The following PGAP1 variants were observed in gnomAD, a reference collection of about 807,000 sequenced individuals.
PGAP1 encodes the protein post-GPI attachment to proteins inositol deacylase 1.
PGAP1 carries 76 observed loss-of-function variants against 127.0 expected under a neutral mutation model. The observed-to-expected ratio is 0.60, with a 90% CI of 0.50 to 0.72. The LOEUF (loss-of-function observed/expected upper bound fraction) is 0.72. PGAP1 is among the 30% of genes least tolerant of loss of function. PGAP1 has a pLI of 0.00. For missense variants in PGAP1, 982 were observed against 1,071.3 expected (o/e 0.92, Z 1.16); for synonymous variants, 362 against 366.5 (o/e 0.99, Z 0.14).
rs1703369208 is a variant in PGAP1, at chr2:196,926,582, G to A, written c.35C>T (p.Ala12Val). ...FLHSVNLWNL[A>V]FYVFMVFLAT... ...CAGAAAGACCATGAAGACATAAAAC[G>A]CCAGGTTCCAGAGATTAACTGAGTG... The change falls in exon 1 of 27, where the codon GCG (alanine) becomes GTG (valine). Residue 12 changes from alanine to valine, a missense_variant. Transcript: ENST00000354764. 1 of 1,614,148 alleles carries A rather than the reference G, an allele frequency of 6.2e-7. No homozygotes were observed. Among genetic ancestry groups the A allele is most frequent in the Non-Finnish European group, 8.5e-7 (1 of 1,180,016 alleles).
At chr2:196,895,238 T>C (rs914848046) in intron 7 of PGAP1, among the ~76,000 whole-genome samples, 4 of 152,214 alleles carry the variant, frequency 2.6e-5, no homozygotes, top group East Asian at 1.9e-4. Context: ...ACTAGTACTA[T>C]AGTTCTTTTC....
intron 4 of PGAP1, among the ~76,000 whole-genome samples, chr2:196,903,884 A>T (rs934581953): frequency 2.0e-5 from 3 of 152,142 alleles, no homozygotes; most frequent in Non-Finnish European, 4.4e-5. Flanking sequence ...AATTTAATGC[A>T]TTTTTATCCT....
At chr2:196,890,653 G>C (rs1177121377) in intron 10 of PGAP1, among the ~76,000 whole-genome samples, 175 bp downstream of exon 10, 2 of 151,980 alleles carry the variant, frequency 1.3e-5, no homozygotes, top group African/African-American at 4.8e-5. Context: ...CATAGTATCT[G>C]TGATAAAAAA....
Position 196,836,558 on chromosome 2 carries a change from T to G in PGAP1, c.*4676A>C, listed in dbSNP as rs1700240519. On this transcript the variant is annotated 3_prime_UTR_variant, in exon 27 of 27. Transcript: ENST00000354764. ...TGACCTGACTTTTCTTTCCTATTATTCTTATTAAAAGTAAAGAATGGTAGT... is the reference window on the plus strand; with the variant it reads ...TGACCTGACTTTTCTTTCCTATTATGCTTATTAAAAGTAAAGAATGGTAGT... 1 of 152,170 alleles carries G rather than the reference T, an allele frequency of 6.6e-6. No individual in the cohort carries two copies. Among genetic ancestry groups the G allele is most frequent in the Admixed American group, 6.5e-5 (1 of 15,278 alleles). 9.4% of individuals were successfully genotyped at this position (152,170 alleles called of 1,614,324 possible). A position where few individuals can be genotyped will look rare whatever the true frequency, so the allele number is the denominator to read the frequency against.
At chr2:196,841,394 T>A in intron 26 of PGAP1, 22 bp from the exon 27 acceptor site, 3 of 1,595,286 alleles carry the variant, frequency 1.9e-6, no homozygotes, top group Non-Finnish European at 2.6e-6. Flanking sequence ...CAGAGAAATA[T>A]ACATTACTTA....
chr2:196,891,455 T>A (rs1702098581), intron 9 of PGAP1, among the ~76,000 whole-genome samples: 1 of 152,136 alleles, frequency 6.6e-6, no homozygotes, highest in South Asian at 2.1e-4. Context: ...TGAAATGGTT[T>A]GCACTGACCA....
chr2:196,900,969 A>AT (rs1702468909), intron 5 of PGAP1, among the ~76,000 whole-genome samples: 1 of 152,162 alleles, frequency 6.6e-6, no homozygotes, highest in Admixed American at 6.5e-5. Context: ...TATCAAATAG[A>AT]TTAGAAAAAA....
intron 3 of PGAP1, among the ~76,000 whole-genome samples, chr2:196,915,414 C>T (rs563699008): frequency 1.3e-5 from 2 of 152,294 alleles, no homozygotes; most frequent in South Asian, 4.1e-4. Context: ...TGTACAGTAG[C>T]ATACATGGAA....
chr2:196,873,016 G>T lies in PGAP1; in HGVS notation c.1563C>A (p.Thr521=). ...SKCSAVKEEI[T]SIYRLHIPWS... ...AAGGAATATGAAGTCTATAGATACT[G>T]GTTATTTCTTCTGTTAAAACATTTA... Residue 521 remains threonine (T), a synonymous_variant, in exon 17 of 27, where the codon ACC becomes ACA. Transcript: ENST00000354764. 1 of 917,258 alleles carries T rather than the reference G, an allele frequency of 1.1e-6. No individual in the cohort carries two copies. Among genetic ancestry groups the T allele is most frequent in the Non-Finnish European group, 1.7e-6 (1 of 596,006 alleles). The allele number at this position is 917,258 out of a possible 1,614,324, so 56.8% of individuals were successfully genotyped here.
chr2:196,847,076 T>G lies in PGAP1; in HGVS notation c.2077A>C (p.Thr693Pro). 1 of 1,613,762 alleles carries G rather than the reference T, an allele frequency of 6.2e-7. No homozygotes were observed. Among genetic ancestry groups the G allele is most frequent in the Non-Finnish European group, 8.5e-7 (1 of 1,179,808 alleles). Residue 693 changes from threonine (T) to proline (P), a missense_variant, in exon 22 of 27, where the codon ACT (threonine) becomes CCT (proline). Transcript: ENST00000354764. ...GACAGTAGGCCACTCCAGTAGGCAG[T>G]ACACGTTCCAAACAGAAAGAGAATC... ...SLILFLFGTC[T>P]AYWSGLLSSA...
At chr2:196,926,405 G>A in intron 1 of PGAP1, 65 bp downstream of exon 1, 1 of 1,605,438 alleles carries the variant, frequency 6.2e-7, no homozygotes, top group Non-Finnish European at 8.5e-7. Context: ...CGAACCCACA[G>A]AAGGAAAAAG....
chr2:196,858,151 C>T (rs1004063310), intron 20 of PGAP1, among the ~76,000 whole-genome samples: 2 of 152,016 alleles, frequency 1.3e-5, no homozygotes, highest in Admixed American at 1.3e-4. Flanking sequence ...CCTGTAATCC[C>T]AGCACTTTGG....
intron 19 of PGAP1, among the ~76,000 whole-genome samples, chr2:196,866,088 C>T (rs1261427473): frequency 2.6e-5 from 4 of 152,154 alleles, no homozygotes; most frequent in Admixed American, 2.6e-4. Flanking sequence ...CATCAAGCTA[C>T]CATTGTCTTT....
At chr2:196,925,814 C>T (rs1703341044) in intron 1 of PGAP1, among the ~76,000 whole-genome samples, 1 of 152,166 alleles carries the variant, frequency 6.6e-6, no homozygotes, top group African/African-American at 2.4e-5. Context: ...CGCACGGCCC[C>T]TTAACCTGCA....
rs34719820 is a variant in PGAP1, at chr2:196,843,114, T to TA, written c.2526-290dup. ...TGTATGTTTAAAACGGCATAAAGTTTAAAAAAAAACAAATTACTTAAAATA... is the reference window on the plus strand; with the variant it reads ...TGTATGTTTAAAACGGCATAAAGTTTAAAAAAAAAACAAATTACTTAAAATA... On this transcript the variant is annotated intron_variant, in intron 25 of 26. Transcript: ENST00000354764. Among the ~76,000 whole-genome samples the TA allele has an allele frequency of 1.1e-4, 17 of 151,070 alleles. 1 individual carries two copies. Among genetic ancestry groups the TA allele is most frequent in the South Asian group, 8.4e-4 (4 of 4,766 alleles).
intron 10 of PGAP1, among the ~76,000 whole-genome samples, chr2:196,889,737 T>C (rs1465614776): frequency 6.6e-6 from 1 of 151,360 alleles, no homozygotes; most frequent in Admixed American, 6.6e-5. Flanking sequence ...CAAGCGCCTG[T>C]AGTCCCAGCT....
At chr2:196,893,614 C>A (rs1408217624) in intron 7 of PGAP1, among the ~76,000 whole-genome samples, 2 of 152,076 alleles carry the variant, frequency 1.3e-5, no homozygotes, top group African/African-American at 4.8e-5. Flanking sequence ...TGTATAGAAC[C>A]AGAAGAGAAT....
rs1576064245 is a variant in PGAP1 at position 196,833,656 on chromosome 2, A to G, written c.*7578T>C. On this transcript the variant is annotated 3_prime_UTR_variant, in exon 27 of 27. Coordinates refer to ENST00000354764, the MANE Select transcript of PGAP1 (RefSeq NM_024989.4). Reference sequence around the variant, plus strand: ...TTTGTATGTGTTTTTAGAGAAATCTATATTTTTGTCTGGCGAGTAGGTAGT... The same window carrying G: ...TTTGTATGTGTTTTTAGAGAAATCTGTATTTTTGTCTGGCGAGTAGGTAGT... The G allele has an allele frequency of 1.3e-5, 2 of 152,228 alleles. No homozygotes were observed. The highest frequency in any genetic ancestry group is 4.8e-5 in the African/African-American group (2 of 41,574). The allele number at this position is 152,228 out of a possible 1,614,324, so 9.4% of individuals were successfully genotyped here.
In PGAP1 at chr2:196,865,082, T is replaced by TA; in HGVS notation, c.1768-3dup. 2 of 1,525,366 alleles carry TA rather than the reference T, an allele frequency of 1.3e-6. No individual in the cohort carries two copies. The highest frequency in any genetic ancestry group is 1.3e-5 in the South Asian group (1 of 76,666). 94.5% of individuals were successfully genotyped at this position (1,525,366 alleles called of 1,614,324 possible). A position where few individuals can be genotyped will look rare whatever the true frequency, so the allele number is the denominator to read the frequency against. ...AGCTCCACCATGAAATCTAACTACC[T>TA]AAAAAACAGGTAAGTCAATGGGCAA... On this transcript the variant is annotated splice_polypyrimidine_tract_variant and splice_region_variant and intron_variant, in intron 19 of 26. Transcript: ENST00000354764.
Sources: gnomAD v4.1 joint callset for allele counts (sites outside exome capture counted in the v4.1 genomes callset) on GRCh38, gnomAD v4.1.1 for gene constraint, MANE v1.5 for transcripts, NCBI Gene and HGNC (gene_info 2026-07-23, HGNC 2026-07-21) for gene names.